SPTLC3: variants seen among roughly 807,000 people sequenced by gnomAD.
SPTLC3 encodes serine palmitoyltransferase 3.
SPTLC3 carries 36 observed loss-of-function variants against 59.3 expected under a neutral mutation model. That is an observed-to-expected ratio of 0.61 (90% confidence interval 0.47 to 0.80). The LOEUF is 0.80. Ranked by LOEUF, SPTLC3 falls within the 30% of genes least tolerant of loss-of-function variation. SPTLC3 has a pLI of 0.00. For missense variants in SPTLC3, 625 were observed against 685.1 expected, an observed-to-expected ratio of 0.91 and a Z score of 0.98; for synonymous variants, 257 against 240.8, an observed-to-expected ratio of 1.07 and a Z score of -0.62.
chr20:13,154,515 G>T (rs530048312), intron 10 of SPTLC3, among the ~76,000 whole-genome samples: 1 of 152,236 alleles, frequency 6.6e-6, no homozygotes, highest in Admixed American at 6.5e-5. Context: ...ATGTGATCAG[G>T]CTCTGTGCTT....
At chr20:13,032,312 T>G (rs1352934526) in intron 1 of SPTLC3, among the ~76,000 whole-genome samples, 3 of 152,212 alleles carry the variant, frequency 2.0e-5, no homozygotes, top group Admixed American at 2.0e-4. Context: ...ACCTTCACCC[T>G]AGCTGTCATT....
intron 6 of SPTLC3, among the ~76,000 whole-genome samples, chr20:13,101,437 A>G (rs1010166317): frequency 5.3e-5 from 8 of 152,150 alleles, no homozygotes; most frequent in Admixed American, 5.2e-4. Flanking sequence ...TCCTGTTAGT[A>G]GCCTCAATTT....
At chr20:13,057,144 C>T (rs1020123358) in intron 2 of SPTLC3, among the ~76,000 whole-genome samples, 2 of 152,170 alleles carry the variant, frequency 1.3e-5, no homozygotes, top group African/African-American at 2.4e-5. Flanking sequence ...TTGCTCAAAA[C>T]ATGAAACATC....
At chr20:13,058,332 C>T (rs925944012) in intron 2 of SPTLC3, among the ~76,000 whole-genome samples, 1 of 152,210 alleles carries the variant, frequency 6.6e-6, no homozygotes, top group African/African-American at 2.4e-5. Flanking sequence ...CCAAAACAGA[C>T]AGCCCAGGCA....
intron 1 of SPTLC3, among the ~76,000 whole-genome samples, chr20:13,035,494 C>T (rs1986692402): frequency 6.6e-6 from 1 of 152,048 alleles, no homozygotes; most frequent in African/African-American, 2.4e-5. Context: ...TAATAAACTG[C>T]CAAGAGGTCA....
At chr20:13,023,034 C>A (rs2122396094) in intron 1 of SPTLC3, among the ~76,000 whole-genome samples, 1 of 152,172 alleles carries the variant, frequency 6.6e-6, no homozygotes, top group African/African-American at 2.4e-5. Flanking sequence ...CCCATGGCGT[C>A]CTCCCACCTG....
chr20:13,076,346 G>A (rs1243690223), intron 4 of SPTLC3, among the ~76,000 whole-genome samples: 5 of 152,238 alleles, frequency 3.3e-5, no homozygotes, highest in South Asian at 2.1e-4. Context: ...TCTGGAAAAC[G>A]TGTCTTAAGA....
intron 4 of SPTLC3, among the ~76,000 whole-genome samples, chr20:13,089,256 A>C (rs116293966): frequency 6.6e-6 from 1 of 152,330 alleles, no homozygotes; most frequent in African/African-American, 2.4e-5. Flanking sequence ...TCTGCGCAAC[A>C]GCTCCTACGT....
At chr20:13,114,486 A>G (rs1332686185) in intron 7 of SPTLC3, among the ~76,000 whole-genome samples, 2 of 152,184 alleles carry the variant, frequency 1.3e-5, no homozygotes, top group Admixed American at 6.5e-5. Flanking sequence ...AAAATTAATC[A>G]AGGAATAATA....
At chr20:13,079,094 C>CAAA (rs1568591759) in intron 4 of SPTLC3, among the ~76,000 whole-genome samples, 1 of 151,988 alleles carries the variant, frequency 6.6e-6, no homozygotes, top group Admixed American at 6.5e-5. Context: ...AAGAAAACTA[C>CAAA]AAAACTTTTA....
chr20:13,020,775 G>C (rs1437640344), intron 1 of SPTLC3, among the ~76,000 whole-genome samples: 4 of 152,072 alleles, frequency 2.6e-5, no homozygotes, highest in Non-Finnish European at 5.9e-5. Flanking sequence ...AACTGGGTTT[G>C]AATCTCGGTT....
intron 1 of SPTLC3, among the ~76,000 whole-genome samples, chr20:13,026,276 T>C (rs1342081206): frequency 6.6e-6 from 1 of 152,250 alleles, no homozygotes; most frequent in African/African-American, 2.4e-5. Context: ...GTGGTAGTTC[T>C]GTTTTTAGCT....
chr20:13,134,027 T>A (rs1056311200), intron 9 of SPTLC3, among the ~76,000 whole-genome samples: 1 of 152,186 alleles, frequency 6.6e-6, no homozygotes, highest in Non-Finnish European at 1.5e-5. Context: ...ACGCTCAAAC[T>A]GTGAACACAC....
At chr20:13,060,284 G>A (rs1011154650) in intron 2 of SPTLC3, among the ~76,000 whole-genome samples, 6 of 152,040 alleles carry the variant, frequency 3.9e-5, no homozygotes, top group Non-Finnish European at 8.8e-5. Context: ...ATCTAAGTTT[G>A]GGTGCAAGAG....
chr20:13,099,201 C>A (rs1479054856), intron 6 of SPTLC3, among the ~76,000 whole-genome samples: 1 of 152,044 alleles, frequency 6.6e-6, no homozygotes, highest in African/African-American at 2.4e-5. Context: ...AGGATCAGGG[C>A]AATGCAATGT....
chr20:13,144,240 T>C (rs2038453521), intron 9 of SPTLC3, among the ~76,000 whole-genome samples: 1 of 152,224 alleles, frequency 6.6e-6, no homozygotes, highest in Admixed American at 6.5e-5. Flanking sequence ...ACTTCTTTTA[T>C]TGGGCACTTG....
rs1253078606 is a variant in SPTLC3 at position 13,160,028 on chromosome 20, A to G, written c.1441A>G (p.Lys481Glu). The G allele has an allele frequency of 6.2e-7, 1 of 1,612,842 alleles. No homozygotes were observed. Among genetic ancestry groups the G allele is most frequent in the Non-Finnish European group, 8.5e-7 (1 of 1,179,674 alleles). Reference sequence around the variant, plus strand: ...GGCTTTTGCAAGGCATATGCTAGAGAAAAAAATTGGAGTGGTGGTCGTGGG... The same window carrying G: ...GGCTTTTGCAAGGCATATGCTAGAGGAAAAAATTGGAGTGGTGGTCGTGGG... ...VAAFARHMLE[K>E]KIGVVVVGFP... Residue 481 changes from lysine (K) to glutamate (E), a missense_variant, in exon 11 of 12, where the codon AAA becomes GAA. By Grantham distance (56) the Lys-to-Glu change is moderately conservative. Coordinates refer to ENST00000399002, the MANE Select transcript of SPTLC3 (RefSeq NM_018327.4).
At chr20:13,041,731 C>T (rs1480252289) in intron 1 of SPTLC3, among the ~76,000 whole-genome samples, 1 of 151,902 alleles carries the variant, frequency 6.6e-6, no homozygotes, top group Admixed American at 6.6e-5. Flanking sequence ...AATCACTGCC[C>T]TCCCCCGCCC....
intron 2 of SPTLC3, among the ~76,000 whole-genome samples, chr20:13,053,734 G>T (rs182416141): frequency 6.6e-6 from 1 of 151,960 alleles, no homozygotes; most frequent in South Asian, 2.1e-4. Flanking sequence ...CAAAAACTTC[G>T]TGAAGCATAC....
Sources: allele counts gnomAD v4.1 joint callset (sites outside exome capture counted in the v4.1 genomes callset), GRCh38; gene constraint gnomAD v4.1.1; transcripts MANE v1.5; gene names NCBI Gene and HGNC (gene_info 2026-07-23, HGNC 2026-07-21).